ZNF420: variants seen among roughly 807,000 people sequenced by gnomAD.
ZNF420 encodes zinc finger protein 420.
A neutral mutation model predicts 44.7 loss-of-function variants in ZNF420; 31 were observed. The ratio of observed to expected loss-of-function variants is 0.69; its 90% CI spans 0.52 to 0.94. ZNF420 has a LOEUF of 0.94. Ranked by LOEUF, ZNF420 falls within the 40% of genes least tolerant of loss-of-function variation. The probability of loss-of-function intolerance (pLI) is 0.00; values close to 1 mark genes in which losing one functional copy is unlikely to be tolerated. For synonymous variants in ZNF420, 245 were observed against 267.4 expected, an observed-to-expected ratio of 0.92 and a Z score of 0.82; for missense variants, 681 against 827.9, an observed-to-expected ratio of 0.82 and a Z score of 2.18.
chr19:37,035,232 C>T (rs1038517095), intron 1 of ZNF420, among the ~76,000 whole-genome samples: 8 of 152,168 alleles, frequency 5.3e-5, no homozygotes, highest in Non-Finnish European at 1.0e-4. Flanking sequence ...CTACATCCAC[C>T]CTATAAAAGC....
intron 1 of ZNF420, among the ~76,000 whole-genome samples, chr19:37,061,418 A>T (rs1967878529): frequency 6.6e-6 from 1 of 152,246 alleles, no homozygotes; most frequent in Non-Finnish European, 1.5e-5. Flanking sequence ...GTAATTTGAT[A>T]TTTATCAGTG....
At chr19:37,094,943 C>G (rs980158755) in intron 4 of ZNF420, among the ~76,000 whole-genome samples, 1 of 151,850 alleles carries the variant, frequency 6.6e-6, no homozygotes, top group Non-Finnish European at 1.5e-5. Context: ...CCATCCTGGC[C>G]AACATGATGA....
rs117227826 is a variant in ZNF420, at chr19:37,124,519, C to T, written c.137-2609C>T. 6.2e-3 allele frequency among the ~76,000 whole-genome samples: 942 copies of T among 152,310 alleles called. 28 individuals are homozygous for T. The highest frequency in any genetic ancestry group is 0.05 in the East Asian group (258 of 5,186). On this transcript the variant is annotated intron_variant, in intron 4 of 4. Transcript: ENST00000337995. Reference sequence around the variant, plus strand: ...TGTTTAACATTATAAGAAACTACCACACTCTTTTTTACCATAGTTACAGTG... The same window carrying T: ...TGTTTAACATTATAAGAAACTACCATACTCTTTTTTACCATAGTTACAGTG...
chr19:37,062,873 CAGTT>C (rs1453127722), intron 1 of ZNF420, among the ~76,000 whole-genome samples: 9 of 152,164 alleles, frequency 5.9e-5, no homozygotes, highest in Non-Finnish European at 1.2e-4. Context: ...TAGGAATCTC[CAGTT>C]AGTTAAGATC....
intron 1 of ZNF420, among the ~76,000 whole-genome samples, chr19:37,040,829 G>C (rs7246739): frequency 0.56 from 85,276 of 151,822 alleles, 25,523 homozygotes; most frequent in African/African-American, 0.76. Flanking sequence ...TTAATGACAG[G>C]AAGATGTAAG....
intron 1 of ZNF420, among the ~76,000 whole-genome samples, chr19:37,071,694 G>A (rs371971910): frequency 3.1e-4 from 47 of 152,082 alleles, no homozygotes; most frequent in African/African-American, 1.0e-3. Flanking sequence ...CCAGCTACTC[G>A]GGAGGCTGAG....
At chr19:37,009,307 G>T (rs1283222653) in intron 1 of ZNF420, among the ~76,000 whole-genome samples, 1 of 152,120 alleles carries the variant, frequency 6.6e-6, no homozygotes, top group African/African-American at 2.4e-5. Context: ...AAACCTCTCC[G>T]CTCCTCCAGC....
chr19:37,073,036 G>A (rs529259910), intron 1 of ZNF420, among the ~76,000 whole-genome samples: 1 of 152,166 alleles, frequency 6.6e-6, no homozygotes, highest in Admixed American at 6.5e-5. Context: ...GATACCACTG[G>A]TGGTTTTAAA....
At chr19:37,125,081 A>T (rs1599728555) in intron 4 of ZNF420, among the ~76,000 whole-genome samples, 1 of 151,730 alleles carries the variant, frequency 6.6e-6, no homozygotes, top group African/African-American at 2.4e-5. Flanking sequence ...CAAATGATCC[A>T]CCTGCCTTGG....
At chr19:37,102,118 C>T (rs1024421335) in intron 4 of ZNF420, among the ~76,000 whole-genome samples, 2 of 152,030 alleles carry the variant, frequency 1.3e-5, no homozygotes, top group African/African-American at 4.8e-5. Context: ...CCTGGACCCC[C>T]TGAGGATGTG....
At chr19:37,046,103 C>G (rs1469778074) in intron 1 of ZNF420, among the ~76,000 whole-genome samples, 1 of 152,170 alleles carries the variant, frequency 6.6e-6, no homozygotes, top group African/African-American at 2.4e-5. Flanking sequence ...GTCCCTCCCA[C>G]AACATATGGG....
chr19:37,072,309 C>T (rs12151313), intron 1 of ZNF420, among the ~76,000 whole-genome samples: 49,513 of 151,980 alleles, frequency 0.33, 8,288 homozygotes, highest in Non-Finnish European at 0.35. Flanking sequence ...GGAAGCAAGG[C>T]CATCCTAGGA....
In ZNF420 at chr19:37,026,682, G is replaced by A. The variant is rs1438854264; in HGVS notation, c.-125+18600G>A. ...TTGCCATGTTGGCCAGGCTGGTCTCGAACTCCTGACTTCAAGTGATCCTCC... is the reference window on the plus strand; with the variant it reads ...TTGCCATGTTGGCCAGGCTGGTCTCAAACTCCTGACTTCAAGTGATCCTCC... On this transcript the variant is annotated intron_variant, in intron 1 of 4. Transcript: ENST00000587029. Among the ~76,000 whole-genome samples the A allele has an allele frequency of 4.0e-5, 6 of 150,638 alleles. No individual in the cohort carries two copies. The East Asian group carries it at 6.0e-4, about 15-fold the overall frequency.
intron 4 of ZNF420, among the ~76,000 whole-genome samples, chr19:37,110,411 C>T (rs936322772): frequency 6.6e-6 from 1 of 152,130 alleles, no homozygotes; most frequent in Non-Finnish European, 1.5e-5. Flanking sequence ...TTGCATGAGC[C>T]AAAGCATGAA....
At chr19:37,052,746 G>C (rs555531061) in intron 1 of ZNF420, among the ~76,000 whole-genome samples, 31 of 152,274 alleles carry the variant, frequency 2.0e-4, no homozygotes, top group African/African-American at 6.0e-4. Flanking sequence ...TAGTCTGATG[G>C]GCTTCCCTTT....
intron 1 of ZNF420, among the ~76,000 whole-genome samples, chr19:37,033,708 C>T (rs778501032): frequency 1.1e-4 from 16 of 152,270 alleles, no homozygotes; most frequent in Non-Finnish European, 2.1e-4. Context: ...TGGGTTTAAA[C>T]CCAGAAGTGG....
rs1968232174 is a variant in ZNF420, at chr19:37,078,453, G to C, written c.-242G>C. On this transcript the variant is annotated 5_prime_UTR_variant, in exon 1 of 5. Transcript: ENST00000337995. ...TTTGCGAGATTTGGAGGCCTCGCGT[G>C]GGGAGAGGGCCGCGTCTGTGGAGGA... 6.6e-6 allele frequency: 1 copy of C among 152,290 alleles called. No individual in the cohort carries two copies. The highest frequency in any genetic ancestry group is 6.5e-5 in the Admixed American group (1 of 15,290). The allele number at this position is 152,290 out of a possible 1,614,324, so 9.4% of individuals were successfully genotyped here. A position where few individuals can be genotyped will look rare whatever the true frequency, so the allele number is the denominator to read the frequency against.
rs778098048 is a variant in ZNF420, at chr19:37,127,998, A to G, written c.1007A>G (p.Glu336Gly). The change falls in exon 5 of 5, where the codon GAA becomes GGA. Residue 336 changes from glutamate (E) to glycine (G), a missense_variant. Glu to Gly is a moderately conservative substitution (Grantham distance 98, BLOSUM62 -2). Around this residue, in one of 3 missense-constraint regions of ZNF420, gnomAD observed 51 missense variants for 106.8 expected, o/e 0.48. Coordinates refer to ENST00000337995, the MANE Select transcript of ZNF420 (RefSeq NM_144689.5). ...ATTCATAATGGGGAAAAACCATATGAATGTAAGGAATGTGGAAGGGCCTTT... is the reference window on the plus strand; with the variant it reads ...ATTCATAATGGGGAAAAACCATATGGATGTAAGGAATGTGGAAGGGCCTTT... ...QKIHNGEKPY[E>G]CKECGRAFIR... The G allele has an allele frequency of 3.5e-5, 57 of 1,613,784 alleles. 2 individuals carry two copies. In the South Asian group the frequency reaches 5.7e-4, roughly 16 times the overall value.
At chr19:37,040,722 TA>T (rs1453144052) in intron 1 of ZNF420, among the ~76,000 whole-genome samples, 1 of 152,094 alleles carries the variant, frequency 6.6e-6, no homozygotes, top group African/African-American at 2.4e-5. Context: ...AACACTGAGG[TA>T]TAACTGGACA....
Sources: gnomAD v4.1 joint callset for allele counts (sites outside exome capture counted in the v4.1 genomes callset) on GRCh38, gnomAD v4.1.1 for gene constraint, gnomAD v4.1.1 regional missense constraint, MANE v1.5 for transcripts, NCBI Gene and HGNC (gene_info 2026-07-23, HGNC 2026-07-21) for gene names.